Variants in CCAR1 observed in about 807,000 individuals in gnomAD.
The protein encoded by CCAR1 is cell division cycle and apoptosis regulator 1, also known as cell division cycle and apoptosis regulator protein 1.
A neutral mutation model predicts 163.8 loss-of-function variants in CCAR1; 78 were observed. That is an observed-to-expected ratio of 0.48 (90% CI 0.40 to 0.57). The LOEUF is 0.57. CCAR1 is among the 20% of genes least tolerant of loss of function. The probability of loss-of-function intolerance (pLI) is 0.00; values close to 1 mark genes in which losing one functional copy is unlikely to be tolerated. For missense variants in CCAR1, 1,019 were observed against 1,365.2 expected (o/e 0.75, Z 4.00); for synonymous variants, 443 against 460.7 (o/e 0.96, Z 0.49).
intron 6 of CCAR1, among the ~76,000 whole-genome samples, chr10:68,745,994 A>G (rs1400169013): frequency 6.6e-6 from 1 of 151,432 alleles, no homozygotes; most frequent in Non-Finnish European, 1.5e-5. Flanking sequence ...TTATTTTGAG[A>G]TGGAGTCTCG....
intron 2 of CCAR1, among the ~76,000 whole-genome samples, chr10:68,727,215 C>T (rs2055961673): frequency 6.6e-6 from 1 of 151,070 alleles, no homozygotes; most frequent in Non-Finnish European, 1.5e-5. Context: ...GGACTACAGG[C>T]GCGTGCCACC....
intron 4 of CCAR1, among the ~76,000 whole-genome samples, chr10:68,739,475 G>T (rs757066363): frequency 1.3e-5 from 2 of 152,038 alleles, no homozygotes; most frequent in Non-Finnish European, 2.9e-5. Context: ...GGCTGCAGAG[G>T]CTTCTCAATT....
At chr10:68,728,991 T>A (rs2055991354) in intron 2 of CCAR1, among the ~76,000 whole-genome samples, 2 of 152,068 alleles carry the variant, frequency 1.3e-5, no homozygotes, top group African/African-American at 4.8e-5. Context: ...AGTAGAACTT[T>A]CTATGGTAAT....
chr10:68,750,152 T>C (rs1001748638), intron 10 of CCAR1, among the ~76,000 whole-genome samples: 5 of 151,944 alleles, frequency 3.3e-5, no homozygotes, highest in Admixed American at 2.0e-4. Flanking sequence ...TACATAAATA[T>C]ATTATTCACC....
chr10:68,749,232 G>C lies in CCAR1; in HGVS notation c.923G>C (p.Gly308Ala). Residue 308 changes from glycine (G) to alanine (A), a missense_variant, in exon 9 of 25, where the codon GGG (glycine) becomes GCG (alanine). Transcript: ENST00000265872. ...CGATTTTCAGGAAGAAATGACAGAG[G>C]GGATCAAGTGCCTAACAGAAAAGAT... ...PSRFSGRNDR[G>A]DQVPNRKDDR... is the part of the protein sequence containing the mutation. 1 of 1,612,284 alleles carries C rather than the reference G, an allele frequency of 6.2e-7. No homozygotes were observed. The highest frequency in any genetic ancestry group is 8.5e-7 in the Non-Finnish European group (1 of 1,179,646).
At chr10:68,730,414 T>A (rs181200942) in intron 2 of CCAR1, among the ~76,000 whole-genome samples, 130 of 151,814 alleles carry the variant, frequency 8.6e-4, no homozygotes, top group African/African-American at 3.0e-3. Flanking sequence ...CTCGGCTCAC[T>A]GTAACCTCCA....
Position 68,739,436 on chromosome 10 carries a change from A to C in CCAR1, c.292-1193A>C, listed in dbSNP as rs578259120. 2.0e-5 allele frequency among the ~76,000 whole-genome samples: 3 copies of C among 152,268 alleles called. No individual in the cohort carries two copies. The East Asian group carries it at 5.8e-4, about 29-fold the overall frequency. On this transcript the variant is annotated intron_variant, in intron 4 of 24. Transcript: ENST00000265872. ...AGTGCTGGGATTACAGGCGTGAGGC[A>C]CTGCGCCCAGCCTCATTCTTTTTTT...
chr10:68,722,651 G>T (rs2055876112), intron 2 of CCAR1, 74 bp downstream of exon 2: 1 of 1,188,482 alleles, frequency 8.4e-7, no homozygotes, highest in East Asian at 2.3e-5. Flanking sequence ...AGGGCCGGGG[G>T]TGGTGGCTCA....
intron 2 of CCAR1, among the ~76,000 whole-genome samples, chr10:68,725,085 G>A (rs2055922062): frequency 6.6e-6 from 1 of 152,008 alleles, no homozygotes. Flanking sequence ...GGTGAGCTCA[G>A]ATGCTCAGAT....
In CCAR1 at chr10:68,773,008, T is replaced by A; in HGVS notation, c.2559T>A (p.Asp853Glu). Residue 853 changes from aspartate to glutamate, a missense_variant, in exon 19 of 25, where the codon GAT becomes GAA. Asp to Glu is a conservative substitution (Grantham distance 45, BLOSUM62 2). Around this residue, in one of 4 missense-constraint regions of CCAR1, gnomAD observed 358 missense variants for 406.4 expected, o/e 0.88. Coordinates refer to ENST00000265872, the MANE Select transcript of CCAR1 (RefSeq NM_018237.4). Reference protein sequence around the residue: ...DERKKEDKRKDDSKDDDETEE... With the variant: ...DERKKEDKRKEDSKDDDETEE... ...TATAGAAAGAAGATAAAAGAAAAGA[T>A]GATTCTAAAGATGATGATGAAACTG... The A allele has an allele frequency of 6.9e-7, 1 of 1,455,738 alleles. No individual in the cohort carries two copies. The highest frequency in any genetic ancestry group is 2.0e-5 in the Admixed American group (1 of 49,674). The allele number at this position is 1,455,738 out of a possible 1,614,324, so 90.2% of individuals were successfully genotyped here.
chr10:68,734,985 A>G (rs2056089829), intron 2 of CCAR1, among the ~76,000 whole-genome samples: 1 of 152,056 alleles, frequency 6.6e-6, no homozygotes, highest in Non-Finnish European at 1.5e-5. Context: ...GTCTTAGCAA[A>G]TTATCATTTT....
At chr10:68,783,657 A>ATT (rs2056762975) in intron 19 of CCAR1, among the ~76,000 whole-genome samples, 1 of 152,210 alleles carries the variant, frequency 6.6e-6, no homozygotes, top group African/African-American at 2.4e-5. Context: ...TAGAGGGAAT[A>ATT]ACTGCAGGTA....
chr10:68,749,340 C>G, intron 9 of CCAR1, 75 bp downstream of exon 9: 1 of 1,404,850 alleles, frequency 7.1e-7, no homozygotes, highest in East Asian at 2.4e-5. Flanking sequence ...TGCCACTGAA[C>G]TATGCTTATA....
intron 15 of CCAR1, 137 bp from the exon 16 acceptor site, chr10:68,760,863 CAAAAAAA>C: frequency 2.5e-6 from 1 of 392,920 alleles, no homozygotes; most frequent in Non-Finnish European, 4.2e-6. Flanking sequence ...GGCTCTGTTT[CAAAAAAA>C]ACAAAAAACA....
In CCAR1 at chr10:68,756,263, CT is replaced by C; in HGVS notation, c.1626-8del. On this transcript the variant is annotated splice_polypyrimidine_tract_variant and intron_variant, in intron 13 of 24. Transcript: ENST00000265872. This position sits in a 1 kb window ranked among gnomAD's most constrained non-coding sequence, Gnocchi z 5.1. The stretch of plus-strand genomic sequence containing the variant: ...ATTTTTTTTCCAACATGCTTCTTCC[CT>C]TGCAACAGGTACCGTTTTGCAGAGA... 4 of 1,608,694 alleles carry C rather than the reference CT, an allele frequency of 2.5e-6. No homozygotes were observed. The highest frequency in any genetic ancestry group is 2.6e-6 in the Non-Finnish European group (3 of 1,176,034).
chr10:68,783,086 T>G (rs535172973), intron 19 of CCAR1, among the ~76,000 whole-genome samples: 32 of 151,818 alleles, frequency 2.1e-4, no homozygotes, highest in Non-Finnish European at 1.2e-4. Flanking sequence ...CAATCCAGCC[T>G]TGGACCTCCT....
At chr10:68,780,827 C>T (rs182113827) in intron 19 of CCAR1, among the ~76,000 whole-genome samples, 1 of 152,228 alleles carries the variant, frequency 6.6e-6, no homozygotes, top group African/African-American at 2.4e-5. Flanking sequence ...TAGAAGATGA[C>T]GAGCTTAATT....
intron 2 of CCAR1, among the ~76,000 whole-genome samples, chr10:68,733,499 G>T (rs1564529458): frequency 6.6e-6 from 1 of 151,094 alleles, no homozygotes; most frequent in Non-Finnish European, 1.5e-5. Context: ...TCTTTTCACT[G>T]TAGATTCTTC....
chr10:68,777,788 C>T (rs1182373962), intron 19 of CCAR1, among the ~76,000 whole-genome samples: 2 of 151,954 alleles, frequency 1.3e-5, no homozygotes, highest in African/African-American at 4.8e-5. Context: ...AAAATGTATC[C>T]GGGCTTGGTG....
Sources: gnomAD v4.1 joint callset for allele counts (sites outside exome capture counted in the v4.1 genomes callset) on GRCh38, gnomAD v4.1.1 for gene constraint, gnomAD v4.1.1 regional missense constraint, Gnocchi (gnomAD v3.1) non-coding constraint, MANE v1.5 for transcripts, NCBI Gene and HGNC (gene_info 2026-07-23, HGNC 2026-07-21) for gene names.